Variants in MLLT3 observed in about 807,000 individuals in gnomAD.
MLLT3 encodes MLLT3 super elongation complex subunit, also known as protein AF-9.
Under a neutral mutation model 53.2 loss-of-function variants are expected in MLLT3, and 4 were observed. That is an observed-to-expected ratio of 0.08 (90% CI 0.04 to 0.17). The LOEUF (loss-of-function observed/expected upper bound fraction) is 0.17, where lower values mean the gene tolerates loss of function less well. Among genes scored for constraint, MLLT3 ranks in the 10% least tolerant of loss-of-function variants. The pLI, the probability that MLLT3 is intolerant of heterozygous loss-of-function variation, is 1.00. For missense variants in MLLT3, 569 were observed against 684.0 expected (o/e 0.83, Z 1.87); for synonymous variants, 283 against 230.6 (o/e 1.23, Z -2.06).
At chr9:20,485,893 T>C (rs1341524885) in intron 2 of MLLT3, among the ~76,000 whole-genome samples, 1 of 152,172 alleles carries the variant, frequency 6.6e-6, no homozygotes, top group Non-Finnish European at 1.5e-5. Flanking sequence ...TAAATCAGTA[T>C]CATTAATTAT....
At chr9:20,388,459 G>A (rs985336624) in intron 5 of MLLT3, among the ~76,000 whole-genome samples, 1 of 151,824 alleles carries the variant, frequency 6.6e-6, no homozygotes, top group Non-Finnish European at 1.5e-5. Context: ...GTGGTGGTGG[G>A]CGCCTATAGT....
chr9:20,550,975 G>C lies in MLLT3; in HGVS notation c.193+69679C>G, dbSNP rs1818911223. On this transcript the variant is annotated intron_variant, in intron 2 of 10. Transcript: ENST00000380338. Reference sequence around the variant, plus strand: ...AAATGGGGTCTCACTACATTAACCAGGCTAGTCTCAAACTCCTGGCCTCAA... The same window carrying C: ...AAATGGGGTCTCACTACATTAACCACGCTAGTCTCAAACTCCTGGCCTCAA... 2.0e-5 allele frequency among the ~76,000 whole-genome samples: 3 copies of C among 151,982 alleles called. No individual in the cohort carries two copies. The South Asian group carries it at 6.2e-4, about 32-fold the overall frequency.
chr9:20,422,269 T>C (rs1388183654), intron 4 of MLLT3, among the ~76,000 whole-genome samples: 6 of 152,228 alleles, frequency 3.9e-5, no homozygotes, highest in African/African-American at 1.4e-4. Context: ...TGGAAGGTTT[T>C]ACTTGTTTCG....
At chr9:20,499,931 G>A (rs994790999) in intron 2 of MLLT3, among the ~76,000 whole-genome samples, 2 of 152,140 alleles carry the variant, frequency 1.3e-5, no homozygotes, top group Non-Finnish European at 2.9e-5. Flanking sequence ...AGGTGTTAAT[G>A]CAGTGACAAC....
intron 5 of MLLT3, among the ~76,000 whole-genome samples, chr9:20,377,880 C>T (rs1330418301): frequency 2.0e-5 from 3 of 152,006 alleles, no homozygotes; most frequent in East Asian, 3.8e-4. Flanking sequence ...AAAAATGCAA[C>T]ATTTTCTCAT....
intron 4 of MLLT3, chr9:20,415,421 T>A (rs1822846774): frequency 1.1e-6 from 1 of 948,732 alleles, no homozygotes; most frequent in Non-Finnish European, 1.3e-6. Context: ...GAACAAAATC[T>A]AAGTCCATAC....
At chr9:20,542,405 C>G (rs907516026) in intron 2 of MLLT3, among the ~76,000 whole-genome samples, 1 of 152,078 alleles carries the variant, frequency 6.6e-6, no homozygotes, top group Non-Finnish European at 1.5e-5. Flanking sequence ...CGCCCGCCAC[C>G]GCGCCCGGCT....
intron 5 of MLLT3, among the ~76,000 whole-genome samples, chr9:20,368,222 C>A (rs1821506258): frequency 6.6e-6 from 1 of 152,224 alleles, no homozygotes; most frequent in African/African-American, 2.4e-5. Context: ...GCCCCAATGG[C>A]GAGTTACACA....
intron 2 of MLLT3, among the ~76,000 whole-genome samples, chr9:20,517,780 T>C (rs1817953296): frequency 6.6e-6 from 1 of 151,350 alleles, no homozygotes; most frequent in Admixed American, 6.6e-5. Flanking sequence ...GAGGTTGCAG[T>C]GAAGCCAAGA....
At chr9:20,585,316 C>T (rs1819924179) in intron 2 of MLLT3, among the ~76,000 whole-genome samples, 1 of 152,134 alleles carries the variant, frequency 6.6e-6, no homozygotes, top group African/African-American at 2.4e-5. Context: ...CATCCTGTCC[C>T]TTCTTATAAA....
intron 2 of MLLT3, among the ~76,000 whole-genome samples, chr9:20,539,861 A>C (rs369891354): frequency 6.1e-4 from 93 of 152,354 alleles, no homozygotes; most frequent in African/African-American, 2.1e-3. Context: ...AGATAAGGCA[A>C]GTCCCTTCCA....
At chr9:20,438,027 C>T (rs1823448214) in intron 4 of MLLT3, among the ~76,000 whole-genome samples, 1 of 152,112 alleles carries the variant, frequency 6.6e-6, no homozygotes, top group Non-Finnish European at 1.5e-5. Context: ...TTAAACCAGA[C>T]CTTTATAGAT....
intron 3 of MLLT3, among the ~76,000 whole-genome samples, chr9:20,449,619 G>T (rs772159239): frequency 2.0e-5 from 3 of 152,084 alleles, no homozygotes; most frequent in African/African-American, 4.8e-5. Context: ...TTGACTCAAG[G>T]GTCTTTGCAC....
At chr9:20,482,221 T>C (rs1824680634) in intron 2 of MLLT3, among the ~76,000 whole-genome samples, 1 of 152,192 alleles carries the variant, frequency 6.6e-6, no homozygotes, top group Non-Finnish European at 1.5e-5. Flanking sequence ...CCAAACCAAA[T>C]GGAATCACAC....
intron 10 of MLLT3, among the ~76,000 whole-genome samples, chr9:20,352,356 C>T (rs759790320): frequency 2.0e-5 from 3 of 152,228 alleles, no homozygotes; most frequent in Non-Finnish European, 4.4e-5. Context: ...TGCAATAGAT[C>T]TGCAATCAGC....
intron 3 of MLLT3, among the ~76,000 whole-genome samples, chr9:20,452,069 G>A (rs1043242352): frequency 6.6e-6 from 1 of 152,332 alleles, no homozygotes. Flanking sequence ...GGATGGGGAT[G>A]TGACCAAGGA....
intron 4 of MLLT3, among the ~76,000 whole-genome samples, chr9:20,428,005 C>T (rs1823178422): frequency 6.6e-6 from 1 of 151,972 alleles, no homozygotes; most frequent in South Asian, 2.1e-4. Flanking sequence ...TAATTCATAA[C>T]TGTATGTTCT....
intron 5 of MLLT3, among the ~76,000 whole-genome samples, chr9:20,390,120 T>A (rs938459781): frequency 1.3e-5 from 2 of 152,118 alleles, no homozygotes; most frequent in Non-Finnish European, 2.9e-5. Flanking sequence ...GAACTGAAGA[T>A]AAAATATGAA....
At chr9:20,510,164 A>G (rs1825495213) in intron 2 of MLLT3, among the ~76,000 whole-genome samples, 1 of 152,206 alleles carries the variant, frequency 6.6e-6, no homozygotes, top group African/African-American at 2.4e-5. Context: ...CACATCTGAA[A>G]AAGAGTTAAT....
Sources: gnomAD v4.1 joint callset for allele counts (sites outside exome capture counted in the v4.1 genomes callset) on GRCh38, gnomAD v4.1.1 for gene constraint, MANE v1.5 for transcripts, NCBI Gene and HGNC (gene_info 2026-07-23, HGNC 2026-07-21) for gene names.